Variants in SP3 observed in about 807,000 individuals in gnomAD.
SP3 encodes the protein Sp3 transcription factor, also known as transcription factor Sp3.
SP3 carries 10 observed loss-of-function variants against 70.3 expected under a neutral mutation model. That is an observed-to-expected ratio of 0.14 (90% CI 0.09 to 0.24). The LOEUF is 0.24. SP3 is among the 10% of genes least tolerant of loss of function. The probability of loss-of-function intolerance (pLI) is 1.00; values close to 1 mark genes in which losing one functional copy is unlikely to be tolerated. For missense variants in SP3, 825 were observed against 914.6 expected, an observed-to-expected ratio of 0.90 and a Z score of 1.26; for synonymous variants, 402 against 333.5, an observed-to-expected ratio of 1.21 and a Z score of -2.24.
chr2:173,941,074 CA>C (rs1408633884), intron 4 of SP3, among the ~76,000 whole-genome samples: 1 of 150,560 alleles, frequency 6.6e-6, no homozygotes, highest in African/African-American at 2.4e-5. Context: ...CCAACCTCCT[CA>C]ACCAGGTCCA....
intron 4 of SP3, among the ~76,000 whole-genome samples, chr2:173,938,708 G>A (rs1313399020): frequency 6.6e-6 from 1 of 152,110 alleles, no homozygotes. Flanking sequence ...AAGGTGGCAA[G>A]AAGAAGGGAA....
At position 173,931,761 on chromosome 2, in the gene SP3, C is replaced by G. The variant is rs76932942; in HGVS notation, c.1640-12976G>C. On this transcript the variant is annotated intron_variant, in intron 4 of 6. Transcript: ENST00000310015. ...TTTATGTTATGGAAACAGTTTCTTT[C>G]CTTAAACCTCATGGACCAGTATTCT... 6.7e-3 allele frequency among the ~76,000 whole-genome samples: 1,020 copies of G among 152,288 alleles called. 12 individuals are homozygous for G. The highest frequency in any genetic ancestry group is 0.024 in the African/African-American group (981 of 41,550).
upstream of SP3, chr2:173,965,378 C>T (rs1691262538): frequency 3.4e-6 from 2 of 589,148 alleles, no homozygotes; most frequent in Non-Finnish European, 6.0e-6. Flanking sequence ...GGTGACAGCC[C>T]GCCCGGAACT....
chr2:173,964,780 C>A (rs1358765813), intron 1 of SP3: 2 of 451,076 alleles, frequency 4.4e-6, no homozygotes, highest in Non-Finnish European at 7.8e-6. Flanking sequence ...TTTCCCTCCT[C>A]CTCCTCCTCC....
intron 4 of SP3, among the ~76,000 whole-genome samples, chr2:173,931,299 C>T (rs546990529): frequency 2.6e-4 from 39 of 152,090 alleles, no homozygotes; most frequent in Non-Finnish European, 4.6e-4. Flanking sequence ...GATGCCAAGG[C>T]GAGCAGATCA....
Position 173,935,033 on chromosome 2 carries a change from C to A in SP3, c.1640-16248G>T, listed in dbSNP as rs569474077. ...TTAGGGAATAAGTGTACTGATATGTCGACTGGTATCAGATACCAGCAATTA... is the reference window on the plus strand; with the variant it reads ...TTAGGGAATAAGTGTACTGATATGTAGACTGGTATCAGATACCAGCAATTA... On this transcript the variant is annotated intron_variant, in intron 4 of 6. Coordinates refer to ENST00000310015, the MANE Select transcript of SP3 (RefSeq NM_003111.5). Among the ~76,000 whole-genome samples, 4 of 152,262 alleles carry A rather than the reference C, an allele frequency of 2.6e-5. No individual in the cohort carries two copies. The South Asian group carries it at 8.3e-4, about 32-fold the overall frequency.
rs987413587 is a variant in SP3 at position 173,906,377 on chromosome 2, T to C, written c.*3564A>G. ...ATTATGAGGTGATTTCACAAAAATA[T>C]CAAATTTGTACCAAAGATATCAATT... On this transcript the variant is annotated 3_prime_UTR_variant, in exon 7 of 7. Transcript: ENST00000310015. 1.3e-5 allele frequency: 2 copies of C among 152,198 alleles called. No homozygotes were observed. The highest frequency in any genetic ancestry group is 4.8e-5 in the African/African-American group (2 of 41,456). The allele number at this position is 152,198 out of a possible 1,614,324, so 9.4% of individuals were successfully genotyped here.
intron 4 of SP3, among the ~76,000 whole-genome samples, chr2:173,922,375 CA>C (rs1689780589): frequency 6.6e-6 from 1 of 151,050 alleles, no homozygotes; most frequent in Admixed American, 6.6e-5. Context: ...GAAAAGATTG[CA>C]GGGGAGGGGT....
chr2:173,903,440 T>A lies in SP3; in HGVS notation c.*6501A>T, dbSNP rs984048716. On this transcript the variant is annotated 3_prime_UTR_variant, in exon 7 of 7. Coordinates refer to ENST00000310015, the MANE Select transcript of SP3 (RefSeq NM_003111.5). ...CAAACCTATGCACTTAATCACTATA[T>A]TATGCTATGAAAGGTTTCAACTTTA... Among the ~76,000 whole-genome samples the A allele has an allele frequency of 6.6e-6, 1 of 152,124 alleles. No homozygotes were observed. The highest frequency in any genetic ancestry group is 2.4e-5 in the African/African-American group (1 of 41,410).
At chr2:173,910,521 A>C (rs1200375256) in intron 6 of SP3, among the ~76,000 whole-genome samples, 1 of 152,236 alleles carries the variant, frequency 6.6e-6, no homozygotes, top group Non-Finnish European at 1.5e-5. Flanking sequence ...TAAGACTTTA[A>C]TATCTCAACT....
chr2:173,930,720 G>A (rs1210487433), intron 4 of SP3, among the ~76,000 whole-genome samples: 1 of 151,990 alleles, frequency 6.6e-6, no homozygotes, highest in African/African-American at 2.4e-5. Flanking sequence ...CAGTTTCCTT[G>A]CTGCCTGATC....
rs1691164394 is a variant in SP3 at position 173,963,741 on chromosome 2, G to A, written c.279+20C>T. 1.2e-5 allele frequency: 12 copies of A among 989,984 alleles called. No homozygotes were observed. The South Asian group carries it at 5.5e-4, about 46-fold the overall frequency. The allele number at this position is 989,984 out of a possible 1,614,324, so 61.3% of individuals were successfully genotyped here. On this transcript the variant is annotated intron_variant, in intron 3 of 6. Coordinates refer to ENST00000310015, the MANE Select transcript of SP3 (RefSeq NM_003111.5). ...GCGGGCGCCCGGCCTCGGCGGGGGC[G>A]GGCCGCGCGCGGGACTTACCGCTCC...
chr2:173,915,568 AC>A (rs1180962224), intron 5 of SP3: 1 of 152,174 alleles, frequency 6.6e-6, no homozygotes, highest in African/African-American at 2.4e-5. Context: ...TGGAAGCTAA[AC>A]TGTGGGTAGA....
rs1208104854 is a variant in SP3 at position 173,905,541 on chromosome 2, T to A, written c.*4400A>T. Among the ~76,000 whole-genome samples, 1 of 152,168 alleles carries A rather than the reference T, an allele frequency of 6.6e-6. No individual in the cohort carries two copies. The highest frequency in any genetic ancestry group is 2.4e-5 in the African/African-American group (1 of 41,420). On this transcript the variant is annotated 3_prime_UTR_variant, in exon 7 of 7. Transcript: ENST00000310015. The stretch of plus-strand genomic sequence containing the variant: ...CCTTCTCAGGATATCATTCTTAACA[T>A]CAAAAACTGTATCTTAAACGTATTT...
chr2:173,965,482 C>T, upstream of SP3: 1 of 337,830 alleles, frequency 3.0e-6, no homozygotes, highest in Non-Finnish European at 5.4e-6. Flanking sequence ...CCAGGCGGCG[C>T]GCTTCCTGTT....
chr2:173,954,846 T>A, intron 4 of SP3, 27 bp downstream of exon 4: 1 of 1,595,784 alleles, frequency 6.3e-7, no homozygotes, highest in Non-Finnish European at 8.6e-7. Context: ...TGAACTTATT[T>A]ATGGCATGAC....
intron 4 of SP3, among the ~76,000 whole-genome samples, chr2:173,921,154 G>C (rs552853961): frequency 6.6e-6 from 1 of 151,998 alleles, no homozygotes; most frequent in African/African-American, 2.4e-5. Flanking sequence ...ATATTTTAAC[G>C]TAATTTATAG....
In SP3 at chr2:173,908,927, TA is replaced by T. The variant is rs1393318787; in HGVS notation, c.*1013del. On this transcript the variant is annotated 3_prime_UTR_variant, in exon 7 of 7. Transcript: ENST00000310015. ...TACCTAGACAAAAAAAAAAAAGACT[TA>T]AAAAAATATCATAAAACCTCTAGTT... The T allele has an allele frequency of 2.0e-5, 3 of 152,306 alleles. No homozygotes were observed. Among genetic ancestry groups the T allele is most frequent in the African/African-American group, 4.8e-5 (2 of 41,482 alleles). The allele number at this position is 152,306 out of a possible 1,614,324, so 9.4% of individuals were successfully genotyped here.
rs201150383 is a variant in SP3, at chr2:173,955,644, T to C, written c.868A>G (p.Ile290Val). ...SGSSQTMTAG[I>V]NADGHLINTG... ...TTTATCAAATGTCCGTCGGCATTAA[T>C]GCCTGCAGTCATTGTCTGAGAACTG... Residue 290 changes from isoleucine to valine, a missense_variant, in exon 4 of 7, where the codon ATT becomes GTT. By Grantham distance (29) the Ile-to-Val change is conservative (BLOSUM62 3). Transcript: ENST00000310015. 57 of 1,614,220 alleles carry C rather than the reference T, an allele frequency of 3.5e-5. No homozygotes were observed. The highest frequency in any genetic ancestry group is 1.6e-4 in the Middle Eastern group (1 of 6,062).
Sources: gnomAD v4.1 joint callset for allele counts (sites outside exome capture counted in the v4.1 genomes callset) on GRCh38, gnomAD v4.1.1 for gene constraint, MANE v1.5 for transcripts, NCBI Gene and HGNC (gene_info 2026-07-23, HGNC 2026-07-21) for gene names.